DSG1: variants seen among roughly 807,000 people sequenced by gnomAD.
The protein encoded by DSG1 is desmoglein 1.
DSG1 carries 39 observed loss-of-function variants against 97.5 expected under a neutral mutation model. The ratio of observed to expected loss-of-function variants is 0.40; its 90% CI spans 0.31 to 0.52. The LOEUF is 0.52. Among genes scored for constraint, DSG1 ranks in the 20% least tolerant of loss-of-function variants. The probability of loss-of-function intolerance (pLI) is 0.53; values close to 1 mark genes in which losing one functional copy is unlikely to be tolerated. For synonymous variants in DSG1, 475 were observed against 443.4 expected, an observed-to-expected ratio of 1.07 and a Z score of -0.90; for missense variants, 1,311 against 1,295.4, an observed-to-expected ratio of 1.01 and a Z score of -0.18.
At chr18:31,329,495 C>T (rs1183056684) in intron 4 of DSG1, among the ~76,000 whole-genome samples, 1 of 151,986 alleles carries the variant, frequency 6.6e-6, no homozygotes. Context: ...GCATGCTACC[C>T]TGTTAGCTTT....
rs968236893 is a variant in DSG1, at chr18:31,355,669, T to A, written c.*323T>A. ...ATTGGCATCATTCTCCTTGCTCTGT[T>A]TTGCTTTTCCATATAGCTCGAGCAA... On this transcript the variant is annotated 3_prime_UTR_variant, in exon 15 of 15. Transcript: ENST00000257192. The A allele has an allele frequency of 5.9e-6, 2 of 341,344 alleles. No individual in the cohort carries two copies. Among genetic ancestry groups the A allele is most frequent in the Non-Finnish European group, 1.1e-5 (2 of 181,262 alleles). The allele number at this position is 341,344 out of a possible 1,614,324, so 21.1% of individuals were successfully genotyped here. A position where few individuals can be genotyped will look rare whatever the true frequency, so the allele number is the denominator to read the frequency against.
Position 31,354,832 on chromosome 18 carries a change from G to T in DSG1, c.2636G>T (p.Gly879Val). 1 of 1,614,158 alleles carries T rather than the reference G, an allele frequency of 6.2e-7. No homozygotes were observed. Among genetic ancestry groups the T allele is most frequent in the Non-Finnish European group, 8.5e-7 (1 of 1,180,032 alleles). Residue 879 changes from glycine to valine, a missense_variant, in exon 15 of 15, where the codon GGA becomes GTA. Coordinates refer to ENST00000257192, the MANE Select transcript of DSG1 (RefSeq NM_001942.4). ...CCAATCTCTGGCGCTGATTTGCATGGAATGTTAGAGATGCCTGACTTGCGA... is the reference window on the plus strand; with the variant it reads ...CCAATCTCTGGCGCTGATTTGCATGTAATGTTAGAGATGCCTGACTTGCGA... ...VGPISGADLH[G>V]MLEMPDLRDG...
rs541963665 is a variant in DSG1 at position 31,357,952 on chromosome 18, T to C, written c.*2606T>C. Among the ~76,000 whole-genome samples, 1 of 152,148 alleles carries C rather than the reference T, an allele frequency of 6.6e-6. No individual in the cohort carries two copies. Among genetic ancestry groups the C allele is most frequent in the East Asian group, 1.9e-4 (1 of 5,186 alleles). On this transcript the variant is annotated 3_prime_UTR_variant, in exon 15 of 15. Transcript: ENST00000257192. Reference sequence around the variant, plus strand: ...ATTTTAGTAGTTATTTAAAGGCATGTCATTTTTCAATGAAGAAGTTTTGGG... The same window carrying C: ...ATTTTAGTAGTTATTTAAAGGCATGCCATTTTTCAATGAAGAAGTTTTGGG...
chr18:31,328,096 A>G (rs2071697493), intron 3 of DSG1, 93 bp from the exon 4 acceptor site: 3 of 1,344,860 alleles, frequency 2.2e-6, no homozygotes, highest in Non-Finnish European at 3.1e-6. Flanking sequence ...TAACAAGGTC[A>G]TCACATGCAA....
intron 5 of DSG1, among the ~76,000 whole-genome samples, chr18:31,331,297 C>A (rs1282733823): frequency 6.6e-6 from 1 of 151,812 alleles, no homozygotes; most frequent in Non-Finnish European, 1.5e-5. Context: ...TAATATCATC[C>A]CCATTTATAG....
At chr18:31,343,627 A>T (rs751980037) in intron 12 of DSG1, 44 bp downstream of exon 12, 2 of 1,614,026 alleles carry the variant, frequency 1.2e-6, no homozygotes, top group Non-Finnish European at 1.7e-6. Flanking sequence ...AGTCACTGAA[A>T]TTCAGTCTTT....
intron 14 of DSG1, among the ~76,000 whole-genome samples, chr18:31,346,602 A>G (rs993673987): frequency 4.6e-5 from 7 of 152,106 alleles, no homozygotes; most frequent in Non-Finnish European, 1.0e-4. Flanking sequence ...GAATGCTTGC[A>G]TCCCACTATG....
In DSG1 at chr18:31,338,425, A is replaced by G. The variant is rs2071768589; in HGVS notation, c.1376A>G (p.Lys459Arg). The change falls in exon 10 of 15, where the codon AAA becomes AGA. Residue 459 changes from lysine to arginine, a missense_variant. Transcript: ENST00000257192. ...TKEQYNMLGG[K>R]YQGTILSIDD... is the part of the protein sequence containing the mutation. ...GAACAGTACAATATGCTCGGAGGAA[A>G]ATACCAAGGAACGATTCTCTCTATA... 3.1e-6 allele frequency: 5 copies of G among 1,613,692 alleles called. No individual in the cohort carries two copies. The highest frequency in any genetic ancestry group is 2.2e-5 in the South Asian group (2 of 91,076).
At chr18:31,330,870 A>G (rs2071716093) in intron 5 of DSG1, among the ~76,000 whole-genome samples, 2 of 152,152 alleles carry the variant, frequency 1.3e-5, no homozygotes, top group Admixed American at 1.3e-4. Context: ...ATAAGTGTAT[A>G]TAAATGTTAA....
chr18:31,354,487 G>A lies in DSG1; in HGVS notation c.2291G>A (p.Gly764Glu). 2 of 1,614,150 alleles carry A rather than the reference G, an allele frequency of 1.2e-6. No homozygotes were observed. The highest frequency in any genetic ancestry group is 1.7e-6 in the Non-Finnish European group (2 of 1,180,028). ...AAGAAGTTGGCAGACATCAGCCTAGGAAAAGAATCATATCCAGACCTTGAT... is the reference window on the plus strand; with the variant it reads ...AAGAAGTTGGCAGACATCAGCCTAGAAAAAGAATCATATCCAGACCTTGAT... ...KFKKLADISL[G>E]KESYPDLDPS... Residue 764 changes from glycine (G) to glutamate (E), a missense_variant, in exon 15 of 15, where the codon GGA (glycine) becomes GAA (glutamate). Gly to Glu is a moderately conservative substitution (Grantham distance 98). Coordinates refer to ENST00000257192, the MANE Select transcript of DSG1 (RefSeq NM_001942.4).
chr18:31,339,113 G>A (rs890428229), intron 10 of DSG1, among the ~76,000 whole-genome samples: 2 of 152,012 alleles, frequency 1.3e-5, no homozygotes, highest in African/African-American at 4.8e-5. Flanking sequence ...AATATAACAA[G>A]ATGAATGCAC....
In DSG1 at chr18:31,355,696, A is replaced by C. The variant is rs181990820; in HGVS notation, c.*350A>C. 36 of 281,354 alleles carry C rather than the reference A, an allele frequency of 1.3e-4. No homozygotes were observed. Among genetic ancestry groups the C allele is most frequent in the Non-Finnish European group, 7.6e-5 (11 of 145,248 alleles). 17.4% of individuals were successfully genotyped at this position (281,354 alleles called of 1,614,324 possible). Reference sequence around the variant, plus strand: ...TGCTTTTCCATATAGCTCGAGCAAAATTCAAAAAGAACTAAATATGCAATA... The same window carrying C: ...TGCTTTTCCATATAGCTCGAGCAAACTTCAAAAAGAACTAAATATGCAATA... On this transcript the variant is annotated 3_prime_UTR_variant, in exon 15 of 15. Coordinates refer to ENST00000257192, the MANE Select transcript of DSG1 (RefSeq NM_001942.4).
chr18:31,318,444 A>T lies in DSG1; in HGVS notation c.48+96A>T, dbSNP rs990075335. ...GTTAGTGGGCATTATTTCTAACCTA[A>T]ACCCATTGAAAATGTATATTAATGA... On this transcript the variant is annotated intron_variant, in intron 1 of 14. Coordinates refer to ENST00000257192, the MANE Select transcript of DSG1 (RefSeq NM_001942.4). 1.3e-5 allele frequency: 12 copies of T among 951,376 alleles called. No individual in the cohort carries two copies. The African/African-American group carries it at 1.3e-4, about 10-fold the overall frequency. The allele number at this position is 951,376 out of a possible 1,614,324, so 58.9% of individuals were successfully genotyped here. A position where few individuals can be genotyped will look rare whatever the true frequency, so the allele number is the denominator to read the frequency against.
rs2071732639 is a variant in DSG1, at chr18:31,333,444, T to C, written c.685-145T>C. ...ATTATTGGGAATAATCATGTGAAAC[T>C]TGTGGATTTCCCATATTCTGTGTTA... is the stretch of plus-strand genomic sequence containing the variant. On this transcript the variant is annotated intron_variant, in intron 6 of 14. Coordinates refer to ENST00000257192, the MANE Select transcript of DSG1 (RefSeq NM_001942.4). 5 of 895,938 alleles carry C rather than the reference T, an allele frequency of 5.6e-6. No individual in the cohort carries two copies. The South Asian group carries it at 7.3e-5, about 13-fold the overall frequency. 55.5% of individuals were successfully genotyped at this position (895,938 alleles called of 1,614,324 possible).
rs776380621 is a variant in DSG1 at position 31,343,933 on chromosome 18, C to T, written c.1829C>T (p.Thr610Ile). Reference sequence around the variant, plus strand: ...TTGTTTCCTGTCTTTTAGGATATAACCACTGTCATACCACAAATACCACCT... The same window carrying T: ...TTGTTTCCTGTCTTTTAGGATATAATCACTGTCATACCACAAATACCACCT... ...EGPQPEPRDI[T>I]TVIPQIPPDN... Residue 610 changes from threonine to isoleucine, a missense_variant, in exon 13 of 15, where the codon ACC (threonine) becomes ATC (isoleucine). Thr to Ile is a moderately conservative substitution (Grantham distance 89, BLOSUM62 -1). Transcript: ENST00000257192. 1.9e-6 allele frequency: 3 copies of T among 1,611,752 alleles called. No homozygotes were observed. The highest frequency in any genetic ancestry group is 2.7e-5 in the African/African-American group (2 of 74,772).
intron 14 of DSG1, among the ~76,000 whole-genome samples, chr18:31,347,415 A>T (rs2071848904): frequency 6.6e-6 from 1 of 152,112 alleles, no homozygotes; most frequent in Non-Finnish European, 1.5e-5. Context: ...CCTCCTGACC[A>T]TATGCTTCTG....
At chr18:31,344,804 CA>C (rs1483645432) in intron 13 of DSG1, among the ~76,000 whole-genome samples, 1 of 152,166 alleles carries the variant, frequency 6.6e-6, no homozygotes, top group African/African-American at 2.4e-5. Context: ...ATAGTTGTAT[CA>C]CATTACTTTT....
intron 8 of DSG1, 126 bp downstream of exon 8, chr18:31,334,328 A>G: frequency 1.6e-6 from 1 of 609,302 alleles, no homozygotes. Context: ...ACTGTGTTTT[A>G]AATATATATA....
At chr18:31,344,066 G>A (rs1568045790) in intron 13 of DSG1, 71 bp downstream of exon 13, 14 of 1,122,580 alleles carry the variant, frequency 1.2e-5, no homozygotes, top group Non-Finnish European at 1.7e-5. Context: ...TTTGATTATT[G>A]TTTTTTAATT....
Sources: gnomAD v4.1 joint callset for allele counts (sites outside exome capture counted in the v4.1 genomes callset) on GRCh38, gnomAD v4.1.1 for gene constraint, MANE v1.5 for transcripts, NCBI Gene and HGNC (gene_info 2026-07-23, HGNC 2026-07-21) for gene names.